The following MRC1 variants were observed in gnomAD, a reference collection of about 807,000 sequenced individuals.
MRC1 encodes macrophage mannose receptor 1.
A neutral mutation model predicts 102.9 loss-of-function variants in MRC1; 62 were observed. The ratio of observed to expected loss-of-function variants is 0.60; its 90% CI spans 0.49 to 0.74. The LOEUF (loss-of-function observed/expected upper bound fraction) is 0.74, where lower values mean the gene tolerates loss of function less well. Among genes scored for constraint, MRC1 ranks in the 30% least tolerant of loss-of-function variants. The pLI is 0.00. For synonymous variants in MRC1, 457 were observed against 298.4 expected (o/e 1.53, Z -5.48); for missense variants, 1,237 against 862.8 (o/e 1.43, Z -5.43).
chr10:17,894,405 T>TTTTTTTTTTTC, intron 23 of MRC1, 93 bp downstream of exon 23: 1 of 680,572 alleles, frequency 1.5e-6, no homozygotes, highest in Non-Finnish European at 2.6e-6. Context: ...TTTTTTTTTT[T>TTTTTTTTTTTC]TTTTTTTTTT....
intron 17 of MRC1, among the ~76,000 whole-genome samples, chr10:17,876,076 A>T (rs1833432483): frequency 1.3e-5 from 2 of 152,146 alleles, no homozygotes; most frequent in African/African-American, 4.8e-5. Flanking sequence ...GTGACATGTG[A>T]TAAACAAAGT....
chr10:17,832,844 C>T (rs1473543777), intron 3 of MRC1, among the ~76,000 whole-genome samples: 1 of 152,024 alleles, frequency 6.6e-6, no homozygotes, highest in Non-Finnish European at 1.5e-5. Context: ...CAGCCTCGGC[C>T]TCCCAAAGTG....
At chr10:17,869,241 A>T (rs1833320796) in intron 12 of MRC1, among the ~76,000 whole-genome samples, 1 of 152,240 alleles carries the variant, frequency 6.6e-6, no homozygotes, top group Admixed American at 6.5e-5. Context: ...TTCAGCTGAT[A>T]GTAAATTTAG....
chr10:17,852,858 A>C lies in MRC1; in HGVS notation c.1250-109A>C, dbSNP rs1838937443. On this transcript the variant is annotated intron_variant, in intron 7 of 29. Transcript: ENST00000569591. The stretch of plus-strand genomic sequence containing the variant: ...TATCTTTCATGATGGTGATCATATC[A>C]AGGGAGGTAGAGCCCTGTTGATAAA... 6 of 774,412 alleles carry C rather than the reference A, an allele frequency of 7.7e-6. No homozygotes were observed. The East Asian group carries it at 1.2e-4, about 16-fold the overall frequency. The allele number at this position is 774,412 out of a possible 1,614,324, so 48.0% of individuals were successfully genotyped here.
intron 26 of MRC1, among the ~76,000 whole-genome samples, chr10:17,906,186 G>C (rs1833892423): frequency 6.6e-6 from 1 of 151,842 alleles, no homozygotes; most frequent in South Asian, 2.1e-4. Flanking sequence ...TCAAAGCAAG[G>C]TGATGGGTTA....
intron 18 of MRC1, among the ~76,000 whole-genome samples, chr10:17,878,871 G>A (rs1426954818): frequency 6.6e-6 from 1 of 152,056 alleles, no homozygotes; most frequent in African/African-American, 2.4e-5. Context: ...TCTTGCTTTG[G>A]ACAAGGAACG....
chr10:17,864,133 G>A lies in MRC1; in HGVS notation c.1783+451G>A, dbSNP rs1431679703. 4.6e-5 allele frequency among the ~76,000 whole-genome samples: 7 copies of A among 152,138 alleles called. No individual in the cohort carries two copies. In the South Asian group the frequency reaches 1.2e-3, roughly 27 times the overall value. ...TTATCGTGCCTCAGCCTCCTGAGTA[G>A]CTGGGACCACAGGCATGTACCAGCA... On this transcript the variant is annotated intron_variant, in intron 11 of 29. Coordinates refer to ENST00000569591, the MANE Select transcript of MRC1 (RefSeq NM_002438.4).
At chr10:17,839,094 CTT>C (rs1200645339) in intron 4 of MRC1, among the ~76,000 whole-genome samples, 16 of 152,056 alleles carry the variant, frequency 1.1e-4, no homozygotes, top group South Asian at 4.2e-4. Flanking sequence ...ACAGTAGTAA[CTT>C]ATATTTATGG....
intron 17 of MRC1, among the ~76,000 whole-genome samples, 197 bp from the exon 18 acceptor site, chr10:17,877,703 C>G (rs993911681): frequency 3.9e-5 from 6 of 152,072 alleles, no homozygotes; most frequent in African/African-American, 1.4e-4. Context: ...TCCTGCTTTA[C>G]AAGTTCAAAT....
intron 24 of MRC1, 69 bp downstream of exon 24, chr10:17,898,335 G>T (rs925448317): frequency 5.1e-6 from 4 of 780,184 alleles, no homozygotes; most frequent in African/African-American, 5.1e-5. Context: ...TTATCTTTCT[G>T]TTTGTTCTGT....
chr10:17,829,960 AT>A (rs1195859153), intron 3 of MRC1, among the ~76,000 whole-genome samples: 15 of 151,472 alleles, frequency 9.9e-5, no homozygotes, highest in African/African-American at 3.7e-4. Flanking sequence ...GTCAAATTAT[AT>A]ATTTTTTCCT....
chr10:17,828,059 C>T (rs1459858885), intron 3 of MRC1, among the ~76,000 whole-genome samples: 2 of 152,136 alleles, frequency 1.3e-5, no homozygotes, highest in African/African-American at 4.8e-5. Flanking sequence ...ACATTCCCTC[C>T]ATCAAGTGAC....
chr10:17,885,092 G>A (rs1238182219), intron 21 of MRC1, among the ~76,000 whole-genome samples, 177 bp from the exon 22 acceptor site: 2 of 152,182 alleles, frequency 1.3e-5, no homozygotes, highest in African/African-American at 2.4e-5. Flanking sequence ...AGTCCAAAGC[G>A]CAAGTGACAA....
intron 1 of MRC1, among the ~76,000 whole-genome samples, chr10:17,819,449 TTGTA>T (rs1246077063): frequency 4.0e-4 from 40 of 99,054 alleles, no homozygotes; most frequent in African/African-American, 5.5e-4. Flanking sequence ...GAATTCAGAG[TTGTA>T]TGTGTGTGTG....
intron 22 of MRC1, among the ~76,000 whole-genome samples, chr10:17,886,172 A>T (rs545437196): frequency 6.6e-6 from 1 of 152,258 alleles, no homozygotes; most frequent in Non-Finnish European, 1.5e-5. Flanking sequence ...TCACTGTGGG[A>T]TGGGGTGATT....
chr10:17,831,301 C>A (rs1438607300), intron 3 of MRC1, among the ~76,000 whole-genome samples: 1 of 151,280 alleles, frequency 6.6e-6, no homozygotes, highest in Non-Finnish European at 1.5e-5. Flanking sequence ...TGAATGGTCT[C>A]ACCGACATAC....
intron 1 of MRC1, among the ~76,000 whole-genome samples, chr10:17,819,166 C>G (rs1838356361): frequency 6.6e-6 from 1 of 152,072 alleles, no homozygotes; most frequent in Non-Finnish European, 1.5e-5. Context: ...GTGTACATCG[C>G]AGGCAATCTG....
intron 29 of MRC1, 94 bp downstream of exon 29, chr10:17,909,441 GCT>G: frequency 1.3e-6 from 1 of 760,834 alleles, no homozygotes; most frequent in Non-Finnish European, 2.4e-6. Context: ...CAACTCCCCT[GCT>G]CTCTCAGTAG....
chr10:17,887,330 G>T (rs1229106017), intron 22 of MRC1, among the ~76,000 whole-genome samples: 1 of 152,196 alleles, frequency 6.6e-6, no homozygotes, highest in East Asian at 1.9e-4. Context: ...GGCGGAGCTT[G>T]TAGTGAGCCG....
Sources: gnomAD v4.1 joint callset for allele counts (sites outside exome capture counted in the v4.1 genomes callset) on GRCh38, gnomAD v4.1.1 for gene constraint, MANE v1.5 for transcripts, NCBI Gene and HGNC (gene_info 2026-07-23, HGNC 2026-07-21) for gene names.